OSBP2: variants seen among roughly 807,000 people sequenced by gnomAD.
OSBP2 encodes the protein oxysterol-binding protein 2.
In OSBP2, 66 loss-of-function variants were observed where a neutral mutation model predicts 96.0. The ratio of observed to expected loss-of-function variants is 0.69; its 90% CI spans 0.56 to 0.84. The LOEUF (loss-of-function observed/expected upper bound fraction) is 0.84, where lower values mean the gene tolerates loss of function less well. Among genes scored for constraint, OSBP2 ranks in the 40% least tolerant of loss-of-function variants. OSBP2 has a pLI of 0.00. For synonymous variants in OSBP2, 525 were observed against 520.9 expected (o/e 1.01, Z -0.11); for missense variants, 1,038 against 1,222.7 (o/e 0.85, Z 2.25).
chr22:30,712,642 G>A (rs563160074), intron 1 of OSBP2, among the ~76,000 whole-genome samples: 2 of 152,154 alleles, frequency 1.3e-5, no homozygotes, highest in Admixed American at 6.5e-5. Flanking sequence ...GAACTGGAGC[G>A]TCCAGGATCA....
intron 2 of OSBP2, among the ~76,000 whole-genome samples, chr22:30,784,796 T>C (rs1231104871): frequency 2.0e-5 from 3 of 147,644 alleles, no homozygotes; most frequent in African/African-American, 7.7e-5. Context: ...TTTTTTGAGA[T>C]GTGTCTTGCT....
At chr22:30,853,212 C>T (rs966200148) in intron 2 of OSBP2, among the ~76,000 whole-genome samples, 7 of 152,174 alleles carry the variant, frequency 4.6e-5, no homozygotes, top group Admixed American at 1.3e-4. Context: ...ATTGTATTAT[C>T]GTATTGAAAC....
intron 2 of OSBP2, among the ~76,000 whole-genome samples, chr22:30,771,046 A>G (rs2090340363): frequency 6.6e-6 from 1 of 152,208 alleles, no homozygotes; most frequent in African/African-American, 2.4e-5. Context: ...CTGAGGGGCC[A>G]CCAAAGTATA....
chr22:30,824,714 C>G (rs2038361247), intron 2 of OSBP2, among the ~76,000 whole-genome samples: 1 of 152,134 alleles, frequency 6.6e-6, no homozygotes, highest in Admixed American at 6.5e-5. Flanking sequence ...ACAAATTTCC[C>G]CTTAGGAAAG....
chr22:30,758,752 C>G (rs1374525277), intron 2 of OSBP2, among the ~76,000 whole-genome samples: 5 of 152,270 alleles, frequency 3.3e-5, no homozygotes, highest in African/African-American at 1.2e-4. Flanking sequence ...GAGGGAACCC[C>G]TGTTCCATTT....
intron 12 of OSBP2, chr22:30,902,767 A>G: frequency 2.3e-6 from 1 of 436,260 alleles, no homozygotes; most frequent in Non-Finnish European, 4.5e-6. Context: ...ATTCGTTCAC[A>G]AGGAGCAAGA....
intron 1 of OSBP2, among the ~76,000 whole-genome samples, chr22:30,725,550 A>AC (rs994508348): frequency 7.5e-4 from 113 of 151,318 alleles, no homozygotes; most frequent in African/African-American, 2.4e-3. Context: ...AAAAACAAAA[A>AC]AAAAAACACA....
intron 1 of OSBP2, among the ~76,000 whole-genome samples, chr22:30,705,031 G>A (rs1419564071): frequency 6.6e-6 from 1 of 152,194 alleles, no homozygotes; most frequent in Non-Finnish European, 1.5e-5. Flanking sequence ...TTGGCTTTGA[G>A]TGATGGAGTG....
chr22:30,788,215 A>G (rs2090622325), intron 2 of OSBP2, among the ~76,000 whole-genome samples: 1 of 152,208 alleles, frequency 6.6e-6, no homozygotes, highest in Admixed American at 6.6e-5. Context: ...CAGTTTGATC[A>G]GCTGCAAAGC....
intron 1 of OSBP2, among the ~76,000 whole-genome samples, chr22:30,724,639 C>T (rs533527535): frequency 2.0e-5 from 3 of 152,262 alleles, no homozygotes; most frequent in African/African-American, 7.2e-5. Context: ...TGGTTGCATG[C>T]GTATTTTGGC....
At chr22:30,820,273 C>G (rs2038246018) in intron 2 of OSBP2, among the ~76,000 whole-genome samples, 1 of 151,938 alleles carries the variant, frequency 6.6e-6, no homozygotes, top group African/African-American at 2.4e-5. Context: ...CCAGTAGTCC[C>G]AGCTACTCAG....
At chr22:30,812,374 C>T (rs1295656954) in intron 2 of OSBP2, among the ~76,000 whole-genome samples, 1 of 152,108 alleles carries the variant, frequency 6.6e-6, no homozygotes, top group African/African-American at 2.4e-5. Flanking sequence ...CCATGTTGGC[C>T]GGGCTAGTCT....
intron 2 of OSBP2, among the ~76,000 whole-genome samples, chr22:30,770,164 A>G (rs960257164): frequency 1.4e-5 from 2 of 148,036 alleles, no homozygotes; most frequent in African/African-American, 5.0e-5. Flanking sequence ...CAGTGGTGCA[A>G]TCTCAGCTCA....
Position 30,837,713 on chromosome 22 carries a change from C to T in OSBP2, c.854-32716C>T, listed in dbSNP as rs5997779. On this transcript the variant is annotated intron_variant, in intron 2 of 13. Coordinates refer to ENST00000332585, the MANE Select transcript of OSBP2 (RefSeq NM_030758.4). ...ATTGTGATGTGGTTCTAGGCAGGTTCGGGGTGAGCAAAGCCCAGGGTGCGA... is the reference window on the plus strand; with the variant it reads ...ATTGTGATGTGGTTCTAGGCAGGTTTGGGGTGAGCAAAGCCCAGGGTGCGA... Among the ~76,000 whole-genome samples, 493 of 152,220 alleles carry T rather than the reference C, an allele frequency of 3.2e-3. 3 individuals are homozygous for T. Among genetic ancestry groups the T allele is most frequent in the African/African-American group, 0.011 (472 of 41,540 alleles).
Position 30,835,772 on chromosome 22 carries a change from A to G in OSBP2, c.854-34657A>G, listed in dbSNP as rs145247406. 7.1e-3 allele frequency among the ~76,000 whole-genome samples: 1,044 copies of G among 146,680 alleles called. 15 individuals carry two copies. The highest frequency in any genetic ancestry group is 0.025 in the African/African-American group (1,006 of 39,524). ...AGTCTCATTTTGTTGCCTGGAGTGC[A>G]GTGGCATGATCACGGCTCATTGCAG... On this transcript the variant is annotated intron_variant, in intron 2 of 13. Transcript: ENST00000332585.
At chr22:30,743,071 G>T (rs1044475712) in intron 2 of OSBP2, among the ~76,000 whole-genome samples, 1 of 152,216 alleles carries the variant, frequency 6.6e-6, no homozygotes, top group African/African-American at 2.4e-5. Flanking sequence ...AGTCATTAGT[G>T]GAATGGTGTA....
intron 2 of OSBP2, among the ~76,000 whole-genome samples, chr22:30,797,549 T>A (rs2090781884): frequency 6.6e-6 from 1 of 151,674 alleles, no homozygotes; most frequent in African/African-American, 2.4e-5. Context: ...CCCAAAGTGC[T>A]GGGATTATAA....
At chr22:30,877,632 G>A (rs1209166447) in intron 3 of OSBP2, among the ~76,000 whole-genome samples, 2 of 152,208 alleles carry the variant, frequency 1.3e-5, no homozygotes, top group Admixed American at 6.5e-5. Flanking sequence ...AGCAAGGCTG[G>A]GGCGTGCTCT....
intron 2 of OSBP2, among the ~76,000 whole-genome samples, chr22:30,865,089 C>A (rs1325871426): frequency 6.6e-6 from 1 of 152,154 alleles, no homozygotes; most frequent in Non-Finnish European, 1.5e-5. Flanking sequence ...AAAAAAGCTC[C>A]ACTTCTAAAA....
Sources: allele counts gnomAD v4.1 joint callset (sites outside exome capture counted in the v4.1 genomes callset), GRCh38; gene constraint gnomAD v4.1.1; transcripts MANE v1.5; gene names NCBI Gene and HGNC (gene_info 2026-07-23, HGNC 2026-07-21).